The following UNC13B variants were observed in gnomAD, a reference collection of about 807,000 sequenced individuals.
UNC13B encodes the protein protein unc-13 homolog B.
UNC13B carries 144 observed loss-of-function variants against 211.0 expected under a neutral mutation model. That is an observed-to-expected ratio of 0.68 (90% CI 0.60 to 0.78). The LOEUF (loss-of-function observed/expected upper bound fraction) is 0.78, where lower values mean the gene tolerates loss of function less well. Among genes scored for constraint, UNC13B ranks in the 30% least tolerant of loss-of-function variants. UNC13B has a pLI of 0.00. For missense variants in UNC13B, 1,777 were observed against 2,002.0 expected (o/e 0.89, Z 2.14); for synonymous variants, 709 against 725.8 (o/e 0.98, Z 0.37).
At chr9:35,170,577 G>A (rs1198729394) in intron 1 of UNC13B, among the ~76,000 whole-genome samples, 2 of 151,656 alleles carry the variant, frequency 1.3e-5, no homozygotes, top group African/African-American at 4.8e-5. Context: ...CAAGTGATAT[G>A]CTCATTTCAG....
At chr9:35,387,877 C>T (rs1835285774) in intron 24 of UNC13B, among the ~76,000 whole-genome samples, 1 of 151,838 alleles carries the variant, frequency 6.6e-6, no homozygotes, top group South Asian at 2.1e-4. Flanking sequence ...TTTGTTGTTA[C>T]TATGTTTTAT....
At chr9:35,332,038 A>G (rs911428488) in intron 11 of UNC13B, among the ~76,000 whole-genome samples, 2 of 151,612 alleles carry the variant, frequency 1.3e-5, no homozygotes, top group Admixed American at 6.6e-5. Context: ...CTGGAGTGCA[A>G]TGGTGCGATC....
chr9:35,314,652 T>C lies in UNC13B; in HGVS notation c.9414+663T>C, dbSNP rs564377590. ...TTGGGTGTAGCCATCATCTGAATAG[T>C]GTACATTATACCCATTAAGTTATTT... On this transcript the variant is annotated intron_variant, in intron 11 of 39. Transcript: ENST00000635942. 2.0e-5 allele frequency among the ~76,000 whole-genome samples: 3 copies of C among 152,172 alleles called. No homozygotes were observed. In the South Asian group the frequency reaches 6.2e-4, roughly 32 times the overall value.
At position 35,237,775 on chromosome 9, in the gene UNC13B, A is replaced by C; in HGVS notation, c.343A>C (p.Asn115His). The change falls in exon 5 of 40, where the codon AAC becomes CAC. Residue 115 changes from asparagine (N) to histidine (H), a missense_variant. Physicochemically the swap from Asn to His is moderately conservative, Grantham distance 68. Transcript: ENST00000635942. ...MKDDEICGTRNPTPHKILLDT... is the reference protein window; with the variant it reads ...MKDDEICGTRHPTPHKILLDT... ...AGACGATGAGATCTGTGGAACTAGA[A>C]ACCCAACTCCTCATAAAATTTTGCT... 1 of 1,614,024 alleles carries C rather than the reference A, an allele frequency of 6.2e-7. No individual in the cohort carries two copies. The highest frequency in any genetic ancestry group is 8.5e-7 in the Non-Finnish European group (1 of 1,179,966).
At chr9:35,277,274 G>A (rs1243630870) in intron 7 of UNC13B, among the ~76,000 whole-genome samples, 1 of 152,120 alleles carries the variant, frequency 6.6e-6, no homozygotes, top group African/African-American at 2.4e-5. Flanking sequence ...TCTTTGGGTT[G>A]GAAATTTACT....
At chr9:35,213,765 A>G (rs1169645618) in intron 1 of UNC13B, among the ~76,000 whole-genome samples, 2 of 152,150 alleles carry the variant, frequency 1.3e-5, no homozygotes, top group Non-Finnish European at 2.9e-5. Context: ...TGACTTGAGT[A>G]TTCATAACCA....
At chr9:35,367,093 C>T (rs892374497) in intron 12 of UNC13B, 100 bp downstream of exon 12, 12 of 1,212,726 alleles carry the variant, frequency 9.9e-6, no homozygotes, top group Admixed American at 1.8e-5. Flanking sequence ...TCATAAGCTG[C>T]ATCCTGGGGA....
At chr9:35,325,988 A>G (rs572357971) in intron 11 of UNC13B, among the ~76,000 whole-genome samples, 1 of 152,328 alleles carries the variant, frequency 6.6e-6, no homozygotes, top group East Asian at 1.9e-4. Flanking sequence ...TTGGGTATGC[A>G]CTTAGGAATG....
chr9:35,377,224 A>G (rs565627057), intron 15 of UNC13B, among the ~76,000 whole-genome samples: 3 of 152,244 alleles, frequency 2.0e-5, no homozygotes, highest in African/African-American at 4.8e-5. Flanking sequence ...GGTAGGACAG[A>G]GTCAGCGGAA....
intron 1 of UNC13B, among the ~76,000 whole-genome samples, chr9:35,218,978 A>G (rs1422822746): frequency 3.9e-5 from 6 of 151,930 alleles, no homozygotes; most frequent in Non-Finnish European, 8.8e-5. Flanking sequence ...TGAACTCCCA[A>G]CCTCGGGTGA....
intron 11 of UNC13B, chr9:35,352,127 G>C: frequency 8.1e-7 from 1 of 1,232,274 alleles, no homozygotes; most frequent in Non-Finnish European, 1.0e-6. Context: ...CCTGGCCAAG[G>C]TGTGTGAGGG....
chr9:35,212,417 A>G (rs1824018127), intron 1 of UNC13B, among the ~76,000 whole-genome samples: 1 of 152,174 alleles, frequency 6.6e-6, no homozygotes, highest in Admixed American at 6.5e-5. Context: ...CACTAAAAAT[A>G]CAAAAATTAG....
intron 2 of UNC13B, among the ~76,000 whole-genome samples, chr9:35,230,889 CTTAAAA>C (rs1193904669): frequency 6.6e-6 from 1 of 152,050 alleles, no homozygotes; most frequent in Non-Finnish European, 1.5e-5. Flanking sequence ...TATAAAATTT[CTTAAAA>C]TTAAAAAAAT....
intron 13 of UNC13B, among the ~76,000 whole-genome samples, chr9:35,371,054 G>GT (rs1834082579): frequency 2.3e-4 from 35 of 152,206 alleles, no homozygotes; most frequent in Admixed American, 7.2e-4. Flanking sequence ...GTGAAGTGAG[G>GT]TCCAGGTTCT....
At position 35,375,193 on chromosome 9, in the gene UNC13B, GA is replaced by G; in HGVS notation, c.9609del (p.Glu3204SerfsTer2). 1.2e-6 allele frequency: 2 copies of G among 1,614,106 alleles called. No homozygotes were observed. The highest frequency in any genetic ancestry group is 1.7e-6 in the Non-Finnish European group (2 of 1,179,936). ...GGCTACACGCACTTCTCTTAAGGACGAAGAGCTGGTAAGTGTCCCAAGTGCT... is the reference window on the plus strand; with the variant it reads ...GGCTACACGCACTTCTCTTAAGGACGAGAGCTGGTAAGTGTCCCAAGTGCT... ...AMATRTSLKDEELKSHVYKKT... is the reference protein window; with the variant it reads ...AMATRTSLKDXELKSHVYKKT... On this transcript the variant is annotated frameshift_variant, in exon 14 of 40. Coordinates refer to ENST00000635942, the MANE Select transcript of UNC13B (RefSeq NM_001371189.2). LOFTEE classifies it high-confidence loss of function.
chr9:35,386,094 G>A, intron 23 of UNC13B, 71 bp from the exon 24 acceptor site: 1 of 1,599,202 alleles, frequency 6.3e-7, no homozygotes, highest in South Asian at 1.1e-5. Flanking sequence ...GTAGGTTTGG[G>A]GTAGTGCTAG....
intron 11 of UNC13B, among the ~76,000 whole-genome samples, chr9:35,319,687 G>T (rs560525673): frequency 3.2e-4 from 49 of 151,434 alleles, no homozygotes; most frequent in African/African-American, 9.2e-4. Flanking sequence ...TTGAGATGGG[G>T]TCTCACTCTG....
intron 14 of UNC13B, among the ~76,000 whole-genome samples, chr9:35,375,728 C>T (rs759382720): frequency 3.9e-5 from 6 of 152,212 alleles, no homozygotes; most frequent in Admixed American, 1.3e-4. Context: ...TGCCTGTAAT[C>T]CCAGCACTTT....
rs950439804 is a variant in UNC13B at position 35,402,193 on chromosome 9, C to T, written c.12485-974C>T. ...AAGGGGTTCTGTTGTTGATCTCTGT[C>T]GTATTCTCAGCATTCTCCCACCCCT... is the stretch of plus-strand genomic sequence containing the variant. On this transcript the variant is annotated intron_variant, in intron 37 of 39. Coordinates refer to ENST00000635942, the MANE Select transcript of UNC13B (RefSeq NM_001371189.2). Among the ~76,000 whole-genome samples, 5 of 151,740 alleles carry T rather than the reference C, an allele frequency of 3.3e-5. No homozygotes were observed. The East Asian group carries it at 5.8e-4, about 18-fold the overall frequency.
Sources: gnomAD v4.1 joint callset for allele counts (sites outside exome capture counted in the v4.1 genomes callset) on GRCh38, gnomAD v4.1.1 for gene constraint, MANE v1.5 for transcripts, NCBI Gene and HGNC (gene_info 2026-07-23, HGNC 2026-07-21) for gene names.